The following EXPH5 variants were observed in gnomAD, a reference collection of about 807,000 sequenced individuals.
The protein encoded by EXPH5 is exophilin-5.
A neutral mutation model predicts 41.1 loss-of-function variants in EXPH5; 42 were observed. The observed-to-expected ratio is 1.02, with a 90% confidence interval of 0.80 to 1.32. EXPH5 has a LOEUF of 1.32. Ranked by LOEUF, EXPH5 falls within the 40% of genes most tolerant of loss-of-function variation. The pLI, the probability that EXPH5 is intolerant of heterozygous loss-of-function variation, is 0.00. For synonymous variants in EXPH5, 798 were observed against 833.5 expected (o/e 0.96, Z 0.73); for missense variants, 2,298 against 2,314.5 (o/e 0.99, Z 0.15).
chr11:108,541,659 T>C lies in EXPH5; in HGVS notation c.273A>G (p.Ala91=). The C allele has an allele frequency of 2.5e-6, 4 of 1,591,944 alleles. No individual in the cohort carries two copies. The highest frequency in any genetic ancestry group is 3.4e-6 in the Non-Finnish European group (4 of 1,171,862). ...CTAAAATCTTTTTCTTACCATTTTTTGCCATCTCCTTACTTAGCCTGTATG... is the reference window on the plus strand; with the variant it reads ...CTAAAATCTTTTTCTTACCATTTTTCGCCATCTCCTTACTTAGCCTGTATG... The part of the protein sequence containing the change: ...PLTYRLSKEM[A]KNDPIELPTS... Residue 91 remains alanine, a synonymous_variant, in exon 2 of 6, where the codon GCA becomes GCG. Coordinates refer to ENST00000265843, the MANE Select transcript of EXPH5 (RefSeq NM_015065.3).
chr11:108,551,505 A>G (rs1032163272), intron 1 of EXPH5, among the ~76,000 whole-genome samples: 1 of 152,040 alleles, frequency 6.6e-6, no homozygotes, highest in Non-Finnish European at 1.5e-5. Context: ...TTCTCTGTTT[A>G]TCTCCTCTCT....
At chr11:108,531,670 A>T (rs2093838713) in intron 3 of EXPH5, among the ~76,000 whole-genome samples, 1 of 152,188 alleles carries the variant, frequency 6.6e-6, no homozygotes, top group Non-Finnish European at 1.5e-5. Context: ...GCTCAAGAAT[A>T]TCCTTTTCTA....
At chr11:108,556,011 G>C (rs1347746555) in intron 1 of EXPH5, among the ~76,000 whole-genome samples, 1 of 152,168 alleles carries the variant, frequency 6.6e-6, no homozygotes, top group African/African-American at 2.4e-5. Flanking sequence ...AGGAGCAAGA[G>C]CGATGGCCAA....
chr11:108,552,541 G>A (rs568002255), intron 1 of EXPH5, among the ~76,000 whole-genome samples: 56 of 152,256 alleles, frequency 3.7e-4, no homozygotes, highest in African/African-American at 3.4e-4. Flanking sequence ...AAGCCAAGCT[G>A]GATAATAAAG....
Position 108,514,755 on chromosome 11 carries a change from C to T in EXPH5, c.752G>A (p.Arg251Lys). The change falls in exon 6 of 6, where the codon AGA (arginine) becomes AAA (lysine). Residue 251 changes from arginine (R) to lysine (K), a missense_variant. By Grantham distance (26) the Arg-to-Lys change is conservative. Transcript: ENST00000265843. ...QFGHFYSSGN[R>K]HGNITERHKK... The stretch of plus-strand genomic sequence containing the variant: ...GTGCCTTTCTGTGATATTACCATGT[C>T]TGTTACCACTGGAATAAAAGTGACC... 1 of 1,611,656 alleles carries T rather than the reference C, an allele frequency of 6.2e-7. No homozygotes were observed.
chr11:108,565,131 C>G (rs914028106), intron 1 of EXPH5, among the ~76,000 whole-genome samples: 1 of 152,186 alleles, frequency 6.6e-6, no homozygotes, highest in Non-Finnish European at 1.5e-5. Context: ...GTGTCAAACT[C>G]CTGACCTCAG....
Position 108,511,445 on chromosome 11 carries a change from A to G in EXPH5, c.4062T>C (p.Val1354=). Reference sequence around the variant, plus strand: ...CTTTAGATTCCTCTTCAGGAAGAGAAACAGCTGCCTCAACAGAAGCCATTT... The same window carrying G: ...CTTTAGATTCCTCTTCAGGAAGAGAGACAGCTGCCTCAACAGAAGCCATTT... ...LQEMASVEAA[V]SLPEEESKAR... Residue 1354 remains valine, a synonymous_variant, in exon 6 of 6, where the codon GTT becomes GTC. Transcript: ENST00000265843. 6.3e-7 allele frequency: 1 copy of G among 1,585,796 alleles called. No homozygotes were observed. The highest frequency in any genetic ancestry group is 8.5e-7 in the Non-Finnish European group (1 of 1,169,846).
In EXPH5 at chr11:108,507,236, T is replaced by C. The variant is rs527440622; in HGVS notation, c.*2301A>G. ...GTTAGTTACCGCATGTTCATTAGCT[T>C]TGAGTTGCATGGGAACCATGTAAAG... is the stretch of plus-strand genomic sequence containing the variant. On this transcript the variant is annotated 3_prime_UTR_variant, in exon 6 of 6. Transcript: ENST00000265843. 6 of 152,288 alleles carry C rather than the reference T, an allele frequency of 3.9e-5. No individual in the cohort carries two copies. The highest frequency in any genetic ancestry group is 1.3e-4 in the Admixed American group (2 of 15,284). 9.4% of individuals were successfully genotyped at this position (152,288 alleles called of 1,614,324 possible).
Position 108,508,340 on chromosome 11 carries a change from C to G in EXPH5, c.*1197G>C, listed in dbSNP as rs1392290390. 2 of 152,154 alleles carry G rather than the reference C, an allele frequency of 1.3e-5. No homozygotes were observed. The highest frequency in any genetic ancestry group is 2.4e-5 in the African/African-American group (1 of 41,342). The allele number at this position is 152,154 out of a possible 1,614,324, so 9.4% of individuals were successfully genotyped here. On this transcript the variant is annotated 3_prime_UTR_variant, in exon 6 of 6. Coordinates refer to ENST00000265843, the MANE Select transcript of EXPH5 (RefSeq NM_015065.3). Reference sequence around the variant, plus strand: ...GTGAAACCCCGTCTCTACTAAAATACAAAAATATTAGCTGGGCGTGGCAGC... The same window carrying G: ...GTGAAACCCCGTCTCTACTAAAATAGAAAAATATTAGCTGGGCGTGGCAGC...
At chr11:108,524,447 G>C (rs1193477979) in intron 4 of EXPH5, among the ~76,000 whole-genome samples, 1 of 152,162 alleles carries the variant, frequency 6.6e-6, no homozygotes, top group African/African-American at 2.4e-5. Flanking sequence ...GATGCTGGTA[G>C]CCAAATGAGG....
chr11:108,590,472 G>GGA (rs1260880257), intron 1 of EXPH5, among the ~76,000 whole-genome samples: 3 of 151,956 alleles, frequency 2.0e-5, no homozygotes, highest in Admixed American at 1.3e-4. Flanking sequence ...CTGGTAAGTT[G>GGA]GAGCCAGAGA....
At chr11:108,569,392 T>C (rs1199819349) in intron 1 of EXPH5, among the ~76,000 whole-genome samples, 4 of 152,164 alleles carry the variant, frequency 2.6e-5, no homozygotes. Flanking sequence ...CAAGCTGGAG[T>C]GCAATGGTGT....
In EXPH5 at chr11:108,581,211, G is replaced by A. The variant is rs186583051; in HGVS notation, c.119+12207C>T. On this transcript the variant is annotated intron_variant, in intron 1 of 5. Transcript: ENST00000265843. ...CCCAGCTACTAGGGAGGCTGAGGTG[G>A]AAGGACTACTTGAGGCCAGGAGGTG... Among the ~76,000 whole-genome samples, 261 of 152,208 alleles carry A rather than the reference G, an allele frequency of 1.7e-3. 1 individual carries two copies. The highest frequency in any genetic ancestry group is 3.1e-3 in the Non-Finnish European group (211 of 68,018).
chr11:108,535,626 AG>A (rs2093874610), intron 3 of EXPH5, among the ~76,000 whole-genome samples: 1 of 152,204 alleles, frequency 6.6e-6, no homozygotes, highest in East Asian at 1.9e-4. Flanking sequence ...GGAAAAAAAA[AG>A]TGATCTGCCC....
intron 4 of EXPH5, among the ~76,000 whole-genome samples, chr11:108,525,812 G>T (rs574872395): frequency 6.6e-6 from 1 of 151,970 alleles, no homozygotes; most frequent in Non-Finnish European, 1.5e-5. Context: ...AAATCTACAC[G>T]TCATGCAGAA....
At position 108,511,915 on chromosome 11, in the gene EXPH5, A is replaced by T; in HGVS notation, c.3592T>A (p.Ser1198Thr). ...GAAAGAGCAAATACACTTCTCCTGG[A>T]GGCAGCCATTTTACCCTCTTTCTCA... ...YTEKEGKMAASRRSVFALSNE... is the reference protein window; with the variant it reads ...YTEKEGKMAATRRSVFALSNE... The change falls in exon 6 of 6, where the codon TCC (serine) becomes ACC (threonine). Residue 1198 changes from serine (S) to threonine (T), a missense_variant. Transcript: ENST00000265843. 6.3e-7 allele frequency: 1 copy of T among 1,596,932 alleles called. No individual in the cohort carries two copies.
At chr11:108,544,871 A>C (rs1208476757) in intron 1 of EXPH5, among the ~76,000 whole-genome samples, 1 of 152,188 alleles carries the variant, frequency 6.6e-6, no homozygotes, top group Non-Finnish European at 1.5e-5. Flanking sequence ...TTTAGAGTAG[A>C]ATAATTATAG....
chr11:108,591,676 T>G lies in EXPH5; in HGVS notation c.119+1742A>C, dbSNP rs540004125. 8.5e-5 allele frequency among the ~76,000 whole-genome samples: 13 copies of G among 152,330 alleles called. No homozygotes were observed. The South Asian group carries it at 1.2e-3, about 15-fold the overall frequency. ...AGTGCCATGAAATTAGAAAATGTGT[T>G]TTGACCTTCCTTCTAATGCCCAGCC... is the stretch of plus-strand genomic sequence containing the variant. On this transcript the variant is annotated intron_variant, in intron 1 of 5. Coordinates refer to ENST00000265843, the MANE Select transcript of EXPH5 (RefSeq NM_015065.3).
Position 108,512,820 on chromosome 11 carries a change from T to C in EXPH5, c.2687A>G (p.Asp896Gly). The C allele has an allele frequency of 6.2e-7, 1 of 1,614,178 alleles. No individual in the cohort carries two copies. Among genetic ancestry groups the C allele is most frequent in the Non-Finnish European group, 8.5e-7 (1 of 1,180,022 alleles). Residue 896 changes from aspartate to glycine, a missense_variant, in exon 6 of 6, where the codon GAT becomes GGT. Asp to Gly is a moderately conservative substitution (Grantham distance 94, BLOSUM62 -1). Transcript: ENST00000265843. Reference sequence around the variant, plus strand: ...TGTAGTAGATGGAACCACAGGAGCATCAAGGGAAGAATTCTTTGATGGTGA... The same window carrying C: ...TGTAGTAGATGGAACCACAGGAGCACCAAGGGAAGAATTCTTTGATGGTGA... The part of the protein sequence containing the change: ...DSSPSKNSSL[D>G]APVVPSTTVF...
Sources: gnomAD v4.1 joint callset for allele counts (sites outside exome capture counted in the v4.1 genomes callset) on GRCh38, gnomAD v4.1.1 for gene constraint, MANE v1.5 for transcripts, NCBI Gene and HGNC (gene_info 2026-07-23, HGNC 2026-07-21) for gene names.